GSE1: variants seen among roughly 807,000 people sequenced by gnomAD.
GSE1 encodes the protein Gse1 coiled-coil protein, also known as genetic suppressor element 1.
A neutral mutation model predicts 112.6 loss-of-function variants in GSE1; 32 were observed. The ratio of observed to expected loss-of-function variants is 0.28; its 90% CI spans 0.21 to 0.38. GSE1 has a LOEUF of 0.38. Among genes scored for constraint, GSE1 ranks in the 10% least tolerant of loss-of-function variants. GSE1 has a pLI of 1.00. For missense variants in GSE1, 2,348 were observed against 1,699.2 expected (o/e 1.38, Z -6.71); for synonymous variants, 1,115 against 735.6 (o/e 1.52, Z -8.35).
intron 2 of GSE1, among the ~76,000 whole-genome samples, chr16:85,441,764 C>A (rs1417570647): frequency 1.3e-5 from 2 of 152,182 alleles, no homozygotes; most frequent in Non-Finnish European, 2.9e-5. Flanking sequence ...GAGAAAGACA[C>A]CAGGATTGAT....
intron 2 of GSE1, among the ~76,000 whole-genome samples, chr16:85,452,323 G>C (rs375848376): frequency 2.6e-5 from 4 of 152,206 alleles, no homozygotes; most frequent in South Asian, 4.1e-4. Context: ...GTGCCAGTGG[G>C]CCCCGGTAAT....
intron 1 of GSE1, among the ~76,000 whole-genome samples, chr16:85,556,519 C>T (rs1381290862): frequency 2.6e-5 from 4 of 151,206 alleles, no homozygotes; most frequent in African/African-American, 9.7e-5. Flanking sequence ...GATCCTCCCG[C>T]TGCGGTCAAG....
At chr16:85,431,074 C>CGG (rs11414934) in intron 2 of GSE1, among the ~76,000 whole-genome samples, 80 of 150,256 alleles carry the variant, frequency 5.3e-4, no homozygotes, top group African/African-American at 1.0e-3. Flanking sequence ...GCCACTGCCT[C>CGG]GGGGGGCGGA....
At chr16:85,326,465 G>A (rs976512801) in intron 1 of GSE1, among the ~76,000 whole-genome samples, 7 of 152,322 alleles carry the variant, frequency 4.6e-5, no homozygotes, top group Middle Eastern at 3.4e-3. Flanking sequence ...GTCCTGGGAA[G>A]GACCCCATGG....
chr16:85,647,519 C>T (rs1167536427), intron 2 of GSE1, among the ~76,000 whole-genome samples: 1 of 152,204 alleles, frequency 6.6e-6, no homozygotes, highest in Admixed American at 6.5e-5. Flanking sequence ...GAATGGCTGC[C>T]ATTTGGGCTT....
At chr16:85,398,984 A>G (rs1171226929) in intron 2 of GSE1, among the ~76,000 whole-genome samples, 1 of 152,182 alleles carries the variant, frequency 6.6e-6, no homozygotes, top group South Asian at 2.1e-4. Context: ...TAGCATGTGC[A>G]TATGTGTGTA....
chr16:85,350,622 G>C (rs1011775955), intron 1 of GSE1, among the ~76,000 whole-genome samples: 6 of 152,142 alleles, frequency 3.9e-5, no homozygotes, highest in African/African-American at 1.2e-4. Context: ...GGGCCATGAG[G>C]TCACCGTGAT....
intron 1 of GSE1, among the ~76,000 whole-genome samples, chr16:85,261,745 G>A (rs1180319000): frequency 1.3e-5 from 2 of 152,330 alleles, no homozygotes; most frequent in South Asian, 2.1e-4. Context: ...TCAGGTGCAC[G>A]CTAAGCACTT....
chr16:85,631,157 C>G (rs1227036718), intron 1 of GSE1, among the ~76,000 whole-genome samples: 1 of 152,226 alleles, frequency 6.6e-6, no homozygotes, highest in African/African-American at 2.4e-5. Context: ...GGGCTCTGTC[C>G]TGTGCCACTT....
In GSE1 at chr16:85,556,756, C is replaced by G. The variant is rs952118317; in HGVS notation, c.37+393C>G. On this transcript the variant is annotated intron_variant, in intron 1 of 2. Transcript: ENST00000635906. ...GCCCCGATCGGGTAGCATGCCCCCC[C>G]CCCCCCCAGTCCTGGGGTTTATTTC... Among the ~76,000 whole-genome samples, 157 of 144,372 alleles carry G rather than the reference C, an allele frequency of 1.1e-3. 4 individuals are homozygous for G. The highest frequency in any genetic ancestry group is 3.5e-3 in the African/African-American group (140 of 39,586). 94.7% of individuals were successfully genotyped at this position (144,372 alleles called of 152,430 possible).
chr16:85,558,212 A>G (rs1439130008), intron 1 of GSE1, among the ~76,000 whole-genome samples: 5 of 152,242 alleles, frequency 3.3e-5, no homozygotes, highest in Non-Finnish European at 4.4e-5. Context: ...CCTTTAGCCC[A>G]AAATGAAACA....
At chr16:85,617,765 A>G (rs2048470868) in intron 1 of GSE1, among the ~76,000 whole-genome samples, 1 of 151,952 alleles carries the variant, frequency 6.6e-6, no homozygotes, top group Non-Finnish European at 1.5e-5. Flanking sequence ...GTGGGTAGGA[A>G]TTCCTTCTCC....
At chr16:85,448,226 A>C (rs1347382379) in intron 2 of GSE1, among the ~76,000 whole-genome samples, 1 of 152,120 alleles carries the variant, frequency 6.6e-6, no homozygotes, top group Non-Finnish European at 1.5e-5. Flanking sequence ...GCTGCCCAGG[A>C]GCTCTGGAAA....
At position 85,675,817 on chromosome 16, in the gene GSE1, C is replaced by G. The variant is rs936777804; in HGVS notation, c.*3278C>G. ...AAGTGTATATTAGCCACTTAGCAAT[C>G]TCTATATTCTTTCAAGTAACCAAGC... On this transcript the variant is annotated 3_prime_UTR_variant, in exon 16 of 16. Coordinates refer to ENST00000253458, the MANE Select transcript of GSE1 (RefSeq NM_014615.5). 1 of 152,220 alleles carries G rather than the reference C, an allele frequency of 6.6e-6. No homozygotes were observed. Among genetic ancestry groups the G allele is most frequent in the Non-Finnish European group, 1.5e-5 (1 of 68,048 alleles). The allele number at this position is 152,220 out of a possible 1,614,324, so 9.4% of individuals were successfully genotyped here. A position where few individuals can be genotyped will look rare whatever the true frequency, so the allele number is the denominator to read the frequency against.
chr16:85,614,491 G>A lies in GSE1; in HGVS notation c.7+1093G>A, dbSNP rs140240552. 5.5e-4 allele frequency among the ~76,000 whole-genome samples: 84 copies of A among 152,276 alleles called. 2 individuals carry two copies. In the East Asian group the frequency reaches 0.015, roughly 27 times the overall value. ...GAAATGTGCGGTGGAGACTCGAGGCGCAGGCCATAGGGAGGGGGTTCCCAG... is the reference window on the plus strand; with the variant it reads ...GAAATGTGCGGTGGAGACTCGAGGCACAGGCCATAGGGAGGGGGTTCCCAG... On this transcript the variant is annotated intron_variant, in intron 1 of 15. Transcript: ENST00000253458.
intron 2 of GSE1, among the ~76,000 whole-genome samples, chr16:85,461,358 C>G (rs1392628034): frequency 1.3e-5 from 2 of 152,134 alleles, no homozygotes; most frequent in Non-Finnish European, 2.9e-5. Flanking sequence ...GGGGACAACC[C>G]CCACTCCCCC....
intron 1 of GSE1, among the ~76,000 whole-genome samples, chr16:85,561,176 G>A (rs879439076): frequency 4.0e-5 from 6 of 151,728 alleles, no homozygotes; most frequent in South Asian, 2.1e-4. Flanking sequence ...TGGCTGCTTC[G>A]TCTACTATTC....
At chr16:85,425,416 A>G (rs1006568016) in intron 2 of GSE1, among the ~76,000 whole-genome samples, 3 of 151,888 alleles carry the variant, frequency 2.0e-5, no homozygotes, top group Admixed American at 1.3e-4. Flanking sequence ...CTGACCTTGG[A>G]GGCAGGTGTG....
At chr16:85,408,518 G>GC (rs1555581739) in intron 2 of GSE1, among the ~76,000 whole-genome samples, 12 of 41,768 alleles carry the variant, frequency 2.9e-4, no homozygotes, top group East Asian at 1.1e-3. Context: ...TTACACTCAG[G>GC]CCCCCTGGAT....
Sources: gnomAD v4.1 joint callset for allele counts (sites outside exome capture counted in the v4.1 genomes callset) on GRCh38, gnomAD v4.1.1 for gene constraint, MANE v1.5 for transcripts, NCBI Gene and HGNC (gene_info 2026-07-23, HGNC 2026-07-21) for gene names.